AARS1: variants seen among roughly 807,000 people sequenced by gnomAD.
The protein encoded by AARS1 is alanyl-tRNA synthetase 1.
AARS1 carries 72 observed loss-of-function variants against 108.9 expected under a neutral mutation model. That is an observed-to-expected ratio of 0.66 (90% CI 0.55 to 0.80). The LOEUF is 0.80. Ranked by LOEUF, AARS1 falls within the 30% of genes least tolerant of loss-of-function variation. The pLI is 0.00. For synonymous variants in AARS1, 489 were observed against 465.7 expected, an observed-to-expected ratio of 1.05 and a Z score of -0.64; for missense variants, 1,193 against 1,233.2, an observed-to-expected ratio of 0.97 and a Z score of 0.49.
intron 9 of AARS1, among the ~76,000 whole-genome samples, 193 bp from the exon 10 acceptor site, chr16:70,265,855 A>G (rs1189052085): frequency 1.2e-4 from 18 of 152,214 alleles, no homozygotes. Flanking sequence ...ATGTCCTGAT[A>G]CAATTCTGTT....
rs11648189 is a variant in AARS1 at position 70,283,312 on chromosome 16, G to A, written c.-21-528C>T. Reference sequence around the variant, plus strand: ...CTTGCGAGACTGAGGCAGGAGAATCGCTTGAACCCAGGAGGTGGAGGTTGC... The same window carrying A: ...CTTGCGAGACTGAGGCAGGAGAATCACTTGAACCCAGGAGGTGGAGGTTGC... On this transcript the variant is annotated intron_variant, in intron 1 of 20. Transcript: ENST00000261772. Among the ~76,000 whole-genome samples, 1,054 of 151,752 alleles carry A rather than the reference G, an allele frequency of 6.9e-3. 10 individuals are homozygous for A. The highest frequency in any genetic ancestry group is 0.058 in the Middle Eastern group (17 of 294).
intron 5 of AARS1, among the ~76,000 whole-genome samples, chr16:70,270,855 A>G (rs1960381239): frequency 9.2e-6 from 1 of 108,578 alleles, no homozygotes; most frequent in South Asian, 2.4e-4. Context: ...AAAAAAAAAA[A>G]GAAAAGAAAA....
intron 10 of AARS1, 22 bp downstream of exon 10, chr16:70,265,516 G>A (rs372093050): frequency 6.2e-7 from 1 of 1,613,520 alleles, no homozygotes; most frequent in Admixed American, 1.7e-5. Context: ...TGGGTTTCCT[G>A]TTCACTCTCC....
intron 12 of AARS1, chr16:70,261,465 G>C (rs944619309): frequency 3.7e-5 from 12 of 324,512 alleles, no homozygotes; most frequent in Non-Finnish European, 3.0e-5. Flanking sequence ...AGGCGTGAAG[G>C]CAAGTGCCTA....
intron 13 of AARS1, among the ~76,000 whole-genome samples, chr16:70,259,725 A>G (rs1232585998): frequency 6.6e-6 from 1 of 151,860 alleles, no homozygotes; most frequent in African/African-American, 2.4e-5. Flanking sequence ...GCCTCAAGCA[A>G]TCCTCCCACC....
chr16:70,275,512 C>T (rs1388776594), intron 4 of AARS1, among the ~76,000 whole-genome samples: 1 of 151,454 alleles, frequency 6.6e-6, no homozygotes, highest in Non-Finnish European at 1.5e-5. Context: ...CCTGTAATCC[C>T]AGCACTTTGG....
chr16:70,264,254 A>AG (rs1960212121), intron 11 of AARS1, among the ~76,000 whole-genome samples: 1 of 151,874 alleles, frequency 6.6e-6, no homozygotes, highest in Admixed American at 6.6e-5. Flanking sequence ...TCAGAAAAAA[A>AG]AAAGAATGCT....
intron 9 of AARS1, among the ~76,000 whole-genome samples, chr16:70,266,647 G>A (rs900644056): frequency 4.6e-5 from 7 of 150,572 alleles, no homozygotes; most frequent in African/African-American, 1.5e-4. Flanking sequence ...TCAGTCTCCC[G>A]AGTAGCTGGG....
chr16:70,255,617 C>T (rs1360472208), intron 16 of AARS1, 111 bp downstream of exon 16: 2 of 1,003,384 alleles, frequency 2.0e-6, no homozygotes, highest in African/African-American at 1.6e-5. Context: ...CCAGCCTGTA[C>T]TTTCACTCTG....
chr16:70,268,460 C>A, intron 7 of AARS1, 81 bp from the exon 8 acceptor site: 1 of 1,168,258 alleles, frequency 8.6e-7, no homozygotes, highest in Non-Finnish European at 1.3e-6. Flanking sequence ...CCCAAAGCAA[C>A]ACCTCTTTCA....
At chr16:70,285,807 C>T (rs919838601) in intron 1 of AARS1, among the ~76,000 whole-genome samples, 1 of 152,180 alleles carries the variant, frequency 6.6e-6, no homozygotes, top group East Asian at 1.9e-4. Flanking sequence ...GTCTCGAACT[C>T]CTGGCCTCAA....
intron 4 of AARS1, among the ~76,000 whole-genome samples, chr16:70,272,920 AC>A (rs1417247888): frequency 2.6e-5 from 4 of 151,474 alleles, no homozygotes; most frequent in Non-Finnish European, 4.4e-5. Context: ...ACACACACAC[AC>A]ACAAAAGATT....
chr16:70,282,773 C>T lies in AARS1; in HGVS notation c.-10G>A. Reference sequence around the variant, plus strand: ...TTAGAGTAGAGTCCATCTTGAAAGTCACCCCAAAGAACTAATCAAAGAAAA... The same window carrying T: ...TTAGAGTAGAGTCCATCTTGAAAGTTACCCCAAAGAACTAATCAAAGAAAA... On this transcript the variant is annotated 5_prime_UTR_variant, in exon 2 of 21. Transcript: ENST00000261772. The T allele has an allele frequency of 1.9e-6, 3 of 1,613,774 alleles. No homozygotes were observed. Among genetic ancestry groups the T allele is most frequent in the Non-Finnish European group, 2.5e-6 (3 of 1,179,846 alleles).
At chr16:70,273,620 T>C (rs1463848507) in intron 4 of AARS1, among the ~76,000 whole-genome samples, 2 of 151,902 alleles carry the variant, frequency 1.3e-5, no homozygotes, top group Non-Finnish European at 2.9e-5. Flanking sequence ...CCCAGCACTT[T>C]GGGAGGCCAA....
At chr16:70,258,291 G>A (rs1960043749) in intron 14 of AARS1, 74 bp from the exon 15 acceptor site, 1 of 1,507,666 alleles carries the variant, frequency 6.6e-7, no homozygotes. Flanking sequence ...AGGAAAGCAT[G>A]GTCCTGCAGG....
chr16:70,259,090 A>G lies in AARS1; in HGVS notation c.1882T>C (p.Leu628=), dbSNP rs200896501. Residue 628 remains leucine, a synonymous_variant, in exon 14 of 21, where the codon TTG becomes CTG. Coordinates refer to ENST00000261772, the MANE Select transcript of AARS1 (RefSeq NM_001605.3). ...VLGEADQKGS[L]VAPDRLRFDF... The stretch of plus-strand genomic sequence containing the variant: ...AATCTGAGGCGGTCAGGAGCAACCA[A>G]TGAGCCTTTCTGGTCAGCTTCCCCA... 6.2e-6 allele frequency: 10 copies of G among 1,614,024 alleles called. No individual in the cohort carries two copies. The highest frequency in any genetic ancestry group is 4.0e-5 in the African/African-American group (3 of 74,916).
At chr16:70,259,248 A>G in intron 13 of AARS1, 62 bp from the exon 14 acceptor site, 1 of 1,517,396 alleles carries the variant, frequency 6.6e-7, no homozygotes, top group South Asian at 1.1e-5. Context: ...TCTCCTCGTT[A>G]TCTGCTCCCC....
chr16:70,254,246 C>G, intron 17 of AARS1: 1 of 671,248 alleles, frequency 1.5e-6, no homozygotes, highest in Middle Eastern at 4.0e-4. Context: ...GCTGGGCTCC[C>G]AAATCAGGCC....
At chr16:70,254,952 CAG>C (rs893946712) in intron 16 of AARS1, among the ~76,000 whole-genome samples, 17 of 152,158 alleles carry the variant, frequency 1.1e-4, no homozygotes, top group African/African-American at 4.1e-4. Flanking sequence ...AACTCAGACT[CAG>C]GGGTGATCAA....
Sources: allele counts gnomAD v4.1 joint callset (sites outside exome capture counted in the v4.1 genomes callset), GRCh38; gene constraint gnomAD v4.1.1; transcripts MANE v1.5; gene names NCBI Gene and HGNC (gene_info 2026-07-23, HGNC 2026-07-21).